Variants in STPG2 observed in about 807,000 individuals in gnomAD.
STPG2 encodes sperm tail PG-rich repeat containing 2.
In STPG2, 56 loss-of-function variants were observed where a neutral mutation model predicts 54.2. That is an observed-to-expected ratio of 1.03 (90% CI 0.83 to 1.29). STPG2 has a LOEUF of 1.29. Among genes scored for constraint, STPG2 ranks in the 50% most tolerant of loss-of-function variants. The probability of loss-of-function intolerance (pLI) is 0.00; values close to 1 mark genes in which losing one functional copy is unlikely to be tolerated. For missense variants in STPG2, 596 were observed against 544.9 expected, an observed-to-expected ratio of 1.09 and a Z score of -0.93; for synonymous variants, 200 against 181.8, an observed-to-expected ratio of 1.10 and a Z score of -0.81.
intron 9 of STPG2, among the ~76,000 whole-genome samples, chr4:97,792,813 T>C (rs1025581228): frequency 1.3e-5 from 2 of 152,206 alleles, no homozygotes; most frequent in Non-Finnish European, 2.9e-5. Flanking sequence ...TGCTTTTTCA[T>C]CATATACCTG....
intron 9 of STPG2, among the ~76,000 whole-genome samples, chr4:97,784,799 A>G (rs1344356519): frequency 6.6e-6 from 1 of 152,080 alleles, no homozygotes; most frequent in African/African-American, 2.4e-5. Context: ...AGAGAACTAT[A>G]TAATGAGTTA....
At chr4:97,838,581 T>C (rs904818697) in intron 9 of STPG2, among the ~76,000 whole-genome samples, 5 of 151,490 alleles carry the variant, frequency 3.3e-5, no homozygotes, top group African/African-American at 9.7e-5. Flanking sequence ...AGAGACTTGA[T>C]AATATCGCAC....
At chr4:98,006,777 C>T (rs1371115851) in intron 5 of STPG2, among the ~76,000 whole-genome samples, 1 of 152,210 alleles carries the variant, frequency 6.6e-6, no homozygotes, top group Non-Finnish European at 1.5e-5. Context: ...TATGACTCTA[C>T]TGAGCTTCCC....
At chr4:98,076,015 C>T (rs1048772548) in intron 5 of STPG2, among the ~76,000 whole-genome samples, 8 of 152,088 alleles carry the variant, frequency 5.3e-5, no homozygotes, top group Admixed American at 2.0e-4. Context: ...GAGGCCCAGG[C>T]GGGCAGATCA....
At chr4:97,903,138 C>T (rs940029346) in intron 8 of STPG2, among the ~76,000 whole-genome samples, 2 of 151,990 alleles carry the variant, frequency 1.3e-5, no homozygotes, top group South Asian at 2.1e-4. Context: ...GGACACCTAC[C>T]GCACAGCATA....
chr4:97,596,843 T>A (rs912645235), intron 10 of STPG2, among the ~76,000 whole-genome samples: 3 of 151,208 alleles, frequency 2.0e-5, no homozygotes, highest in African/African-American at 4.9e-5. Flanking sequence ...AACCTAACAT[T>A]AAATTTAAAG....
rs114913032 is a variant in STPG2 at position 97,691,434 on chromosome 4, A to T, written c.1320+21265T>A. Among the ~76,000 whole-genome samples, 224 of 152,104 alleles carry T rather than the reference A, an allele frequency of 1.5e-3. 1 individual carries two copies. Among genetic ancestry groups the T allele is most frequent in the African/African-American group, 5.3e-3 (221 of 41,470 alleles). The stretch of plus-strand genomic sequence containing the variant: ...CCCCACTTCCTTGGTGACCTGTATG[A>T]TGTAGCAGAGGCAGCCATAATCCCC... On this transcript the variant is annotated intron_variant, in intron 10 of 10. Coordinates refer to ENST00000295268, the MANE Select transcript of STPG2 (RefSeq NM_174952.3).
At chr4:97,961,305 C>G (rs1560611165) in intron 7 of STPG2, among the ~76,000 whole-genome samples, 1 of 151,812 alleles carries the variant, frequency 6.6e-6, no homozygotes, top group African/African-American at 2.4e-5. Context: ...ATTTCATGAC[C>G]AAGGAGAACC....
intron 9 of STPG2, among the ~76,000 whole-genome samples, chr4:97,798,234 G>C (rs1346643326): frequency 2.0e-5 from 3 of 152,056 alleles, no homozygotes; most frequent in African/African-American, 7.2e-5. Context: ...GCTTTTGAAT[G>C]TGTTTGCTCT....
At chr4:97,635,793 A>C (rs2148938602) in intron 10 of STPG2, among the ~76,000 whole-genome samples, 1 of 152,192 alleles carries the variant, frequency 6.6e-6, no homozygotes, top group African/African-American at 2.4e-5. Flanking sequence ...AGAGCTAACT[A>C]TCCTAAATAT....
At chr4:97,515,024 C>T (rs1056422624) in intron 4 of STPG2, among the ~76,000 whole-genome samples, 1 of 152,008 alleles carries the variant, frequency 6.6e-6, no homozygotes, top group African/African-American at 2.4e-5. Flanking sequence ...GAACTTTTGA[C>T]AAAATCAAAA....
chr4:97,840,037 T>C (rs1395152697), intron 9 of STPG2, among the ~76,000 whole-genome samples: 3 of 151,628 alleles, frequency 2.0e-5, no homozygotes, highest in African/African-American at 7.2e-5. Flanking sequence ...TTCCAGCAAG[T>C]GTTACTGCTT....
chr4:97,850,090 C>CA (rs1227150557), intron 8 of STPG2, among the ~76,000 whole-genome samples: 3 of 150,870 alleles, frequency 2.0e-5, no homozygotes, highest in Non-Finnish European at 4.4e-5. Context: ...ACTATGCAGC[C>CA]ATAAAAAATG....
At chr4:97,718,494 C>A (rs181114317) in intron 9 of STPG2, among the ~76,000 whole-genome samples, 7 of 151,950 alleles carry the variant, frequency 4.6e-5, no homozygotes, top group Admixed American at 1.3e-4. Context: ...TAGTGAGAAG[C>A]CAATTAAGCA....
At chr4:97,958,522 T>C (rs1031801906) in intron 7 of STPG2, among the ~76,000 whole-genome samples, 12 of 152,144 alleles carry the variant, frequency 7.9e-5, no homozygotes, top group South Asian at 2.1e-4. Flanking sequence ...AGAACTCATA[T>C]AAACTTAAGG....
intron 4 of STPG2, among the ~76,000 whole-genome samples, chr4:97,465,580 A>G (rs924564104): frequency 1.3e-5 from 2 of 151,970 alleles, no homozygotes; most frequent in African/African-American, 4.8e-5. Flanking sequence ...TCTTGTATCC[A>G]TAGGGGATTG....
intron 9 of STPG2, among the ~76,000 whole-genome samples, chr4:97,822,144 G>A (rs1337010667): frequency 6.6e-6 from 1 of 152,168 alleles, no homozygotes; most frequent in Non-Finnish European, 1.5e-5. Context: ...TCCTGCATCT[G>A]AGCATAGGCT....
intron 8 of STPG2, among the ~76,000 whole-genome samples, chr4:97,918,780 A>T (rs1000087339): frequency 6.6e-6 from 1 of 152,174 alleles, no homozygotes; most frequent in Non-Finnish European, 1.5e-5. Flanking sequence ...ACACAAAGGC[A>T]TACAAATGAT....
chr4:97,964,670 T>C (rs985548375), intron 7 of STPG2, among the ~76,000 whole-genome samples: 2 of 152,240 alleles, frequency 1.3e-5, no homozygotes, highest in Admixed American at 6.5e-5. Flanking sequence ...AAAGTAGTTA[T>C]ATAACAATTC....
Sources: gnomAD v4.1 joint callset for allele counts (sites outside exome capture counted in the v4.1 genomes callset) on GRCh38, gnomAD v4.1.1 for gene constraint, MANE v1.5 for transcripts, NCBI Gene and HGNC (gene_info 2026-07-23, HGNC 2026-07-21) for gene names.